ERC2: variants seen among roughly 807,000 people sequenced by gnomAD.
The protein encoded by ERC2 is ELKS/RAB6-interacting/CAST family member 2.
ERC2 carries 42 observed loss-of-function variants against 114.8 expected under a neutral mutation model. The observed-to-expected ratio is 0.37, with a 90% confidence interval of 0.29 to 0.47. ERC2 has a LOEUF of 0.47. ERC2 is among the 20% of genes least tolerant of loss of function. The pLI is 0.99. For missense variants in ERC2, 939 were observed against 1,150.7 expected, an observed-to-expected ratio of 0.82 and a Z score of 2.66; for synonymous variants, 454 against 425.5, an observed-to-expected ratio of 1.07 and a Z score of -0.82.
At chr3:55,733,378 G>A (rs2065382327) in intron 15 of ERC2, among the ~76,000 whole-genome samples, 1 of 151,918 alleles carries the variant, frequency 6.6e-6, no homozygotes, top group Non-Finnish European at 1.5e-5. Context: ...CAAGGAGAGA[G>A]TGTTCAGACA....
intron 7 of ERC2, among the ~76,000 whole-genome samples, chr3:56,080,525 C>T (rs980067785): frequency 6.6e-6 from 1 of 152,072 alleles, no homozygotes; most frequent in Admixed American, 6.6e-5. Context: ...CTTTTGGGAC[C>T]TTTGGTTATT....
intron 15 of ERC2, among the ~76,000 whole-genome samples, chr3:55,707,569 G>C (rs17055811): frequency 0.057 from 8,616 of 152,256 alleles, 800 homozygotes; most frequent in African/African-American, 0.19. Flanking sequence ...CATGAGGAAG[G>C]ATTATTTATA....
intron 16 of ERC2, among the ~76,000 whole-genome samples, chr3:55,695,312 G>T (rs1317513186): frequency 6.6e-6 from 1 of 152,166 alleles, no homozygotes; most frequent in Non-Finnish European, 1.5e-5. Flanking sequence ...GCCACTTCTT[G>T]CTTTGAAGGA....
intron 1 of ERC2, among the ~76,000 whole-genome samples, chr3:56,443,993 C>T (rs1344511102): frequency 1.8e-5 from 2 of 108,660 alleles, no homozygotes; most frequent in Non-Finnish European, 3.4e-5. Flanking sequence ...GATGGAGTCT[C>T]ACTGTGTCGC....
chr3:55,727,289 A>G (rs11921430), intron 15 of ERC2, among the ~76,000 whole-genome samples: 3,146 of 152,306 alleles, frequency 0.021, 78 homozygotes, highest in African/African-American at 0.055. Flanking sequence ...CTGATTCCCA[A>G]TTGAGGCCCT....
intron 2 of ERC2, among the ~76,000 whole-genome samples, chr3:56,312,023 G>A (rs2056612499): frequency 1.3e-5 from 2 of 152,118 alleles, no homozygotes; most frequent in Admixed American, 1.3e-4. Context: ...ACTGTGTTAG[G>A]TAGTATAAGT....
chr3:55,804,764 A>T (rs2059428766), intron 14 of ERC2, among the ~76,000 whole-genome samples: 1 of 152,080 alleles, frequency 6.6e-6, no homozygotes, highest in Non-Finnish European at 1.5e-5. Flanking sequence ...ATACCCCAAA[A>T]TGAAATAGCC....
At chr3:56,117,857 G>T (rs992181199) in intron 6 of ERC2, among the ~76,000 whole-genome samples, 2 of 152,194 alleles carry the variant, frequency 1.3e-5, no homozygotes, top group Non-Finnish European at 2.9e-5. Flanking sequence ...GCTGGAGGAA[G>T]GAAAAGGCAC....
At chr3:55,982,855 C>T (rs1397901677) in intron 12 of ERC2, among the ~76,000 whole-genome samples, 1 of 152,148 alleles carries the variant, frequency 6.6e-6, no homozygotes, top group Non-Finnish European at 1.5e-5. Context: ...GTGACTTCAC[C>T]TTTTGCTAGA....
chr3:56,134,585 G>A (rs1257835004), intron 6 of ERC2, among the ~76,000 whole-genome samples: 1 of 152,130 alleles, frequency 6.6e-6, no homozygotes, highest in East Asian at 1.9e-4. Flanking sequence ...TGGTGGGGGG[G>A]TTTAATTGCA....
At chr3:56,448,188 A>G (rs2062667848) in intron 1 of ERC2, among the ~76,000 whole-genome samples, 1 of 152,124 alleles carries the variant, frequency 6.6e-6, no homozygotes, top group Admixed American at 6.6e-5. Flanking sequence ...TTAGAATTTC[A>G]TATTAATATG....
At chr3:56,160,733 G>C (rs2081998700) in intron 4 of ERC2, among the ~76,000 whole-genome samples, 1 of 152,106 alleles carries the variant, frequency 6.6e-6, no homozygotes, top group African/African-American at 2.4e-5. Flanking sequence ...TATTAAATAG[G>C]AAGTTGTTTC....
At chr3:56,407,592 G>A (rs920225532) in intron 2 of ERC2, among the ~76,000 whole-genome samples, 2 of 152,092 alleles carry the variant, frequency 1.3e-5, no homozygotes, top group African/African-American at 4.8e-5. Context: ...ACATCACCTG[G>A]GGATGTTGTG....
chr3:56,018,112 A>AAAT (rs2073434700), intron 8 of ERC2, among the ~76,000 whole-genome samples: 2 of 152,184 alleles, frequency 1.3e-5, no homozygotes, highest in Admixed American at 1.3e-4. Context: ...GGAAATGATA[A>AAAT]AATAATAATA....
At chr3:55,848,512 G>A (rs2061453372) in intron 14 of ERC2, among the ~76,000 whole-genome samples, 1 of 152,096 alleles carries the variant, frequency 6.6e-6, no homozygotes, top group Non-Finnish European at 1.5e-5. Context: ...AATTCCTTAT[G>A]GTGGCATTCC....
intron 14 of ERC2, among the ~76,000 whole-genome samples, chr3:55,800,517 C>A (rs935669871): frequency 1.3e-5 from 2 of 152,060 alleles, no homozygotes; most frequent in Non-Finnish European, 2.9e-5. Flanking sequence ...TAAAAAAAGA[C>A]AATGCTCATG....
intron 2 of ERC2, among the ~76,000 whole-genome samples, chr3:56,433,389 T>A (rs1369808974): frequency 2.6e-5 from 4 of 152,008 alleles, no homozygotes; most frequent in Admixed American, 2.0e-4. Flanking sequence ...TGGCTGAGAT[T>A]TAAAGGGAGG....
chr3:55,828,696 T>G (rs1263342447), intron 14 of ERC2, among the ~76,000 whole-genome samples: 1 of 151,978 alleles, frequency 6.6e-6, no homozygotes, highest in Non-Finnish European at 1.5e-5. Flanking sequence ...TCTAAAGACT[T>G]GAAAACTTAA....
At chr3:55,705,225 A>G (rs1190064568) in intron 15 of ERC2, among the ~76,000 whole-genome samples, 1 of 152,182 alleles carries the variant, frequency 6.6e-6, no homozygotes, top group Non-Finnish European at 1.5e-5. Context: ...AGAGGCATCA[A>G]ATAAGGCTCC....
Sources: gnomAD v4.1 joint callset for allele counts (sites outside exome capture counted in the v4.1 genomes callset) on GRCh38, gnomAD v4.1.1 for gene constraint, MANE v1.5 for transcripts, NCBI Gene and HGNC (gene_info 2026-07-23, HGNC 2026-07-21) for gene names.